VMP1: variants seen among roughly 807,000 people sequenced by gnomAD.
VMP1 encodes the protein vacuole membrane protein 1, also known as ectopic P-granules autophagy protein 3 homolog.
VMP1 carries 11 observed loss-of-function variants against 56.0 expected under a neutral mutation model. That is an observed-to-expected ratio of 0.20 (90% confidence interval 0.12 to 0.32). The LOEUF (loss-of-function observed/expected upper bound fraction) is 0.32. Ranked by LOEUF, VMP1 falls within the 10% of genes least tolerant of loss-of-function variation. VMP1 has a pLI of 1.00. For synonymous variants in VMP1, 149 were observed against 165.0 expected (o/e 0.90, Z 0.74); for missense variants, 296 against 490.3 (o/e 0.60, Z 3.74).
chr17:59,741,122 G>C (rs1050047796), intron 5 of VMP1, among the ~76,000 whole-genome samples: 1 of 152,138 alleles, frequency 6.6e-6, no homozygotes, highest in Non-Finnish European at 1.5e-5. Flanking sequence ...CTTGAGCCCA[G>C]GAGATAGGGG....
chr17:59,760,122 CAA>C (rs11291457), intron 5 of VMP1, among the ~76,000 whole-genome samples: 15 of 135,080 alleles, frequency 1.1e-4, no homozygotes, highest in Admixed American at 1.5e-4. Flanking sequence ...GACCCTTTCT[CAA>C]AAAAAAAAAA....
chr17:59,802,308 G>A (rs2037700796), intron 7 of VMP1, among the ~76,000 whole-genome samples: 2 of 151,630 alleles, frequency 1.3e-5, no homozygotes, highest in Non-Finnish European at 1.5e-5. Flanking sequence ...GGTTGTGTAG[G>A]TTTGTAGCCT....
intron 1 of VMP1, among the ~76,000 whole-genome samples, chr17:59,723,552 G>A (rs1252557496): frequency 3.3e-5 from 5 of 152,126 alleles, no homozygotes; most frequent in South Asian, 2.1e-4. Context: ...TTTATTTGTC[G>A]GAGCAGAAGT....
chr17:59,754,285 G>A (rs2035758673), intron 5 of VMP1, among the ~76,000 whole-genome samples: 1 of 152,130 alleles, frequency 6.6e-6, no homozygotes, highest in Admixed American at 6.5e-5. Context: ...AGGAAGTACT[G>A]TATAGTATTC....
chr17:59,725,313 C>T (rs1306271072), intron 1 of VMP1, among the ~76,000 whole-genome samples: 2 of 152,130 alleles, frequency 1.3e-5, no homozygotes, highest in African/African-American at 4.8e-5. Flanking sequence ...ATTCTGGAGG[C>T]ACTGCAGTTT....
At chr17:59,759,430 G>T (rs1488548214) in intron 5 of VMP1, among the ~76,000 whole-genome samples, 1 of 152,072 alleles carries the variant, frequency 6.6e-6, no homozygotes, top group Non-Finnish European at 1.5e-5. Context: ...TCATTTCTGT[G>T]TTCTGTCAGT....
At position 59,839,853 on chromosome 17, in the gene VMP1, C is replaced by T; in HGVS notation, c.1163C>T (p.Ala388Val). 6.2e-7 allele frequency: 1 copy of T among 1,613,104 alleles called. No individual in the cohort carries two copies. The highest frequency in any genetic ancestry group is 8.5e-7 in the Non-Finnish European group (1 of 1,179,840). Reference sequence around the variant, plus strand: ...ATCCTATCTATCATTAACTCCATGGCACAAAGTTATGCCAAACGAATCCAG... The same window carrying T: ...ATCCTATCTATCATTAACTCCATGGTACAAAGTTATGCCAAACGAATCCAG... ...YFILSIINSMAQSYAKRIQQR... is the reference protein window; with the variant it reads ...YFILSIINSMVQSYAKRIQQR... The change falls in exon 12 of 12, where the codon GCA (alanine) becomes GTA (valine). Residue 388 changes from alanine to valine, a missense_variant. Physicochemically the swap from Ala to Val is moderately conservative, Grantham distance 64. Around this residue, in one of 4 missense-constraint regions of VMP1, gnomAD observed 95 missense variants for 137.6 expected, o/e 0.69. Coordinates refer to ENST00000262291, the MANE Select transcript of VMP1 (RefSeq NM_030938.5).
chr17:59,806,920 T>A, intron 7 of VMP1, among the ~76,000 whole-genome samples: 1 of 152,204 alleles, frequency 6.6e-6, no homozygotes, highest in African/African-American at 2.4e-5. Context: ...TATTTTTTTT[T>A]AATATAGTTT....
At chr17:59,811,381 C>T (rs568460498) in intron 8 of VMP1, among the ~76,000 whole-genome samples, 1 of 152,266 alleles carries the variant, frequency 6.6e-6, no homozygotes, top group Admixed American at 6.5e-5. Context: ...ATGTGATGGG[C>T]ACACACACAA....
At chr17:59,798,639 C>T (rs1407295148) in intron 7 of VMP1, among the ~76,000 whole-genome samples, 1 of 152,216 alleles carries the variant, frequency 6.6e-6, no homozygotes, top group African/African-American at 2.4e-5. Context: ...GTAATCCCAG[C>T]ACTCTGGGAG....
chr17:59,755,850 C>A (rs1257971149), intron 5 of VMP1, among the ~76,000 whole-genome samples: 1 of 151,596 alleles, frequency 6.6e-6, no homozygotes, highest in Non-Finnish European at 1.5e-5. Context: ...GTGGTCCTCC[C>A]ATCTCAGCCT....
chr17:59,836,654 C>T (rs139774156), intron 10 of VMP1, among the ~76,000 whole-genome samples: 5 of 150,802 alleles, frequency 3.3e-5, no homozygotes, highest in Admixed American at 2.0e-4. Context: ...CACATGTGTG[C>T]GCATCTGCCT....
intron 5 of VMP1, among the ~76,000 whole-genome samples, chr17:59,747,824 G>C (rs1188863512): frequency 6.6e-6 from 1 of 151,896 alleles, no homozygotes; most frequent in Admixed American, 6.6e-5. Context: ...GAGCCCAGGA[G>C]TTTAAGGCTG....
At chr17:59,817,587 T>A (rs2038288744) in intron 9 of VMP1, 125 bp from the exon 10 acceptor site, 1 of 594,692 alleles carries the variant, frequency 1.7e-6, no homozygotes, top group African/African-American at 1.9e-5. Flanking sequence ...ATTTTATTTT[T>A]AAAGAAATTT....
intron 5 of VMP1, among the ~76,000 whole-genome samples, chr17:59,742,404 C>G (rs962485292): frequency 1.3e-5 from 2 of 151,904 alleles, no homozygotes; most frequent in East Asian, 3.9e-4. Flanking sequence ...GTGGTCCTAG[C>G]TCCTTGGGAG....
At chr17:59,751,140 G>A (rs2035627743) in intron 5 of VMP1, among the ~76,000 whole-genome samples, 3 of 151,976 alleles carry the variant, frequency 2.0e-5, no homozygotes, top group South Asian at 4.1e-4. Flanking sequence ...CACCGTGTTA[G>A]CCAGGATGGT....
chr17:59,779,976 C>T (rs2036761560), intron 7 of VMP1, among the ~76,000 whole-genome samples: 1 of 152,132 alleles, frequency 6.6e-6, no homozygotes, highest in African/African-American at 2.4e-5. Flanking sequence ...AAGACTTTGA[C>T]CATTTCTTTT....
chr17:59,757,647 A>G (rs899376257), intron 5 of VMP1, among the ~76,000 whole-genome samples: 1 of 152,152 alleles, frequency 6.6e-6, no homozygotes, highest in African/African-American at 2.4e-5. Flanking sequence ...CAAGCACTAC[A>G]TCTTTTATCC....
intron 1 of VMP1, among the ~76,000 whole-genome samples, chr17:59,728,514 G>A (rs900972159): frequency 1.3e-5 from 2 of 152,092 alleles, no homozygotes; most frequent in African/African-American, 4.8e-5. Flanking sequence ...ACTTGGCCAT[G>A]AGAATACTCC....
Sources: allele counts gnomAD v4.1 joint callset (sites outside exome capture counted in the v4.1 genomes callset), GRCh38; gene constraint gnomAD v4.1.1; regional missense constraint gnomAD v4.1.1; transcripts MANE v1.5; gene names NCBI Gene and HGNC (gene_info 2026-07-23, HGNC 2026-07-21).